The following GLRX3 variants were observed in gnomAD, a reference collection of about 807,000 sequenced individuals.
GLRX3 encodes the protein glutaredoxin-3.
GLRX3 carries 22 observed loss-of-function variants against 49.5 expected under a neutral mutation model. The observed-to-expected ratio is 0.44, with a 90% CI of 0.32 to 0.63. The LOEUF (loss-of-function observed/expected upper bound fraction) is 0.63. GLRX3 is among the 30% of genes least tolerant of loss of function. GLRX3 has a pLI of 0.05. For missense variants in GLRX3, 385 were observed against 396.3 expected, an observed-to-expected ratio of 0.97 and a Z score of 0.24; for synonymous variants, 133 against 140.0, an observed-to-expected ratio of 0.95 and a Z score of 0.35.
chr10:130,157,830 T>C (rs1862506027), intron 2 of GLRX3, among the ~76,000 whole-genome samples: 1 of 152,170 alleles, frequency 6.6e-6, no homozygotes, highest in African/African-American at 2.4e-5. Context: ...CTATTTCTGA[T>C]AATCTTTGAG....
chr10:130,171,250 G>A (rs1862801691), intron 7 of GLRX3, among the ~76,000 whole-genome samples: 1 of 152,216 alleles, frequency 6.6e-6, no homozygotes, highest in Non-Finnish European at 1.5e-5. Flanking sequence ...CATTTTGCAT[G>A]AGTGAATTAA....
chr10:130,166,147 A>G (rs1053174663), intron 4 of GLRX3, among the ~76,000 whole-genome samples: 1 of 152,152 alleles, frequency 6.6e-6, no homozygotes, highest in Non-Finnish European at 1.5e-5. Context: ...GGTGTGCACC[A>G]TCACCCCCAG....
At chr10:130,154,748 G>T (rs34628455) in intron 2 of GLRX3, among the ~76,000 whole-genome samples, 54,905 of 151,680 alleles carry the variant, frequency 0.36, 10,060 homozygotes, top group South Asian at 0.46. Context: ...TTTAATATTC[G>T]GTCAAAATTT....
chr10:130,165,631 T>A (rs1261646519), intron 4 of GLRX3, among the ~76,000 whole-genome samples: 1 of 152,218 alleles, frequency 6.6e-6, no homozygotes, highest in East Asian at 1.9e-4. Flanking sequence ...AAATTCAATG[T>A]ACTGTGTGTA....
rs540126346 is a variant in GLRX3 at position 130,142,484 on chromosome 10, G to A, written c.93-2727G>A. The stretch of plus-strand genomic sequence containing the variant: ...CTTCTGAGTCCTTGCATCCTCAGCT[G>A]TCTTGTGTCTACGGCCCTTCCCTCT... On this transcript the variant is annotated intron_variant, in intron 1 of 10. Coordinates refer to ENST00000331244, the MANE Select transcript of GLRX3 (RefSeq NM_006541.5). Among the ~76,000 whole-genome samples, 93 of 152,270 alleles carry A rather than the reference G, an allele frequency of 6.1e-4. 2 individuals are homozygous for A. The South Asian group carries it at 0.019, about 31-fold the overall frequency.
chr10:130,164,570 T>A (rs187249170), intron 4 of GLRX3, among the ~76,000 whole-genome samples: 1 of 152,224 alleles, frequency 6.6e-6, no homozygotes, highest in Non-Finnish European at 1.5e-5. Flanking sequence ...GGGGTGGAAA[T>A]GGGGATTCTG....
chr10:130,172,565 A>G (rs1352881092), intron 8 of GLRX3, among the ~76,000 whole-genome samples: 1 of 152,260 alleles, frequency 6.6e-6, no homozygotes, highest in Non-Finnish European at 1.5e-5. Flanking sequence ...CAAATAAATT[A>G]CTTTCAAGTA....
chr10:130,169,500 T>C lies in GLRX3; in HGVS notation c.771+10T>C, dbSNP rs771914389. On this transcript the variant is annotated intron_variant, in intron 7 of 10. Coordinates refer to ENST00000331244, the MANE Select transcript of GLRX3 (RefSeq NM_006541.5). ...GAAAGGAAACAAACAGGTAAAGAAC[T>C]CAAAAATGGTTTTATTTGTAATTTC... 2 of 1,564,806 alleles carry C rather than the reference T, an allele frequency of 1.3e-6. No homozygotes were observed. The highest frequency in any genetic ancestry group is 1.8e-6 in the Non-Finnish European group (2 of 1,135,376).
intron 4 of GLRX3, among the ~76,000 whole-genome samples, chr10:130,161,827 G>A (rs1178513220): frequency 1.3e-5 from 2 of 152,166 alleles, no homozygotes; most frequent in Non-Finnish European, 2.9e-5. Flanking sequence ...CATTGAGTAT[G>A]CTCTTGATAT....
intron 4 of GLRX3, among the ~76,000 whole-genome samples, chr10:130,163,627 CAT>C (rs1564995795): frequency 6.6e-6 from 1 of 151,934 alleles, no homozygotes; most frequent in African/African-American, 2.4e-5. Flanking sequence ...CTTTCTGTCA[CAT>C]ATAGTAAATA....
intron 4 of GLRX3, among the ~76,000 whole-genome samples, chr10:130,163,914 A>C (rs1407604875): frequency 6.6e-6 from 1 of 152,228 alleles, no homozygotes; most frequent in Admixed American, 6.5e-5. Flanking sequence ...TGAAAGTGCT[A>C]TCTCTGCTAA....
At chr10:130,152,304 C>T (rs1862392770) in intron 2 of GLRX3, among the ~76,000 whole-genome samples, 1 of 152,162 alleles carries the variant, frequency 6.6e-6, no homozygotes, top group Non-Finnish European at 1.5e-5. Flanking sequence ...CAGGCATGAA[C>T]CACTACACCC....
At chr10:130,163,997 C>T (rs1479196862) in intron 4 of GLRX3, among the ~76,000 whole-genome samples, 8 of 152,198 alleles carry the variant, frequency 5.3e-5, no homozygotes, top group Non-Finnish European at 1.2e-4. Context: ...TTGCTTTCTG[C>T]TAATCAGAAA....
intron 2 of GLRX3, among the ~76,000 whole-genome samples, chr10:130,151,454 G>A (rs1862375179): frequency 1.3e-5 from 2 of 152,108 alleles, no homozygotes; most frequent in Admixed American, 1.3e-4. Flanking sequence ...CATGTGCCAT[G>A]TTGGTTTGCT....
At chr10:130,169,383 G>A (rs1862758426) in intron 6 of GLRX3, 50 bp from the exon 7 acceptor site, 1 of 1,067,500 alleles carries the variant, frequency 9.4e-7, no homozygotes, top group African/African-American at 1.5e-5. Context: ...GAGGAAAAGT[G>A]GTGTTGCATA....
At chr10:130,177,197 A>G (rs961160062) in intron 10 of GLRX3, among the ~76,000 whole-genome samples, 8 of 152,122 alleles carry the variant, frequency 5.3e-5, no homozygotes, top group African/African-American at 1.9e-4. Context: ...TGGAGCAATG[A>G]GCGTTTGTTT....
chr10:130,172,418 T>C (rs1040211891), intron 8 of GLRX3, among the ~76,000 whole-genome samples: 2 of 152,230 alleles, frequency 1.3e-5, no homozygotes, highest in Admixed American at 1.3e-4. Flanking sequence ...AACATTGCCA[T>C]TGATTTTTGT....
At chr10:130,145,654 G>C (rs1380685634) in intron 2 of GLRX3, among the ~76,000 whole-genome samples, 1 of 151,760 alleles carries the variant, frequency 6.6e-6, no homozygotes, top group Non-Finnish European at 1.5e-5. Flanking sequence ...AGAGCGAGAC[G>C]CTGTCTCTAA....
rs765956212 is a variant in GLRX3 at position 130,179,408 on chromosome 10, G to C, written c.*16G>C. On this transcript the variant is annotated 3_prime_UTR_variant, in exon 11 of 11. Coordinates refer to ENST00000331244, the MANE Select transcript of GLRX3 (RefSeq NM_006541.5). Reference sequence around the variant, plus strand: ...AGAAAATTAATAAATCTTAAACTTGGTGCCCAACTATTGTAAGAAATATTT... The same window carrying C: ...AGAAAATTAATAAATCTTAAACTTGCTGCCCAACTATTGTAAGAAATATTT... 2 of 1,372,772 alleles carry C rather than the reference G, an allele frequency of 1.5e-6. No homozygotes were observed. The highest frequency in any genetic ancestry group is 2.9e-5 in the African/African-American group (2 of 69,232). The allele number at this position is 1,372,772 out of a possible 1,614,324, so 85.0% of individuals were successfully genotyped here. A position where few individuals can be genotyped will look rare whatever the true frequency, so the allele number is the denominator to read the frequency against.
Sources: allele counts gnomAD v4.1 joint callset (sites outside exome capture counted in the v4.1 genomes callset), GRCh38; gene constraint gnomAD v4.1.1; transcripts MANE v1.5; gene names NCBI Gene and HGNC (gene_info 2026-07-23, HGNC 2026-07-21).